Variants in NID2 observed in about 807,000 individuals in gnomAD.
NID2 encodes the protein nidogen 2.
NID2 carries 83 observed loss-of-function variants against 145.4 expected under a neutral mutation model. The ratio of observed to expected loss-of-function variants is 0.57; its 90% CI spans 0.48 to 0.69. NID2 has a LOEUF of 0.69. NID2 is among the 30% of genes least tolerant of loss of function. The pLI, the probability that NID2 is intolerant of heterozygous loss-of-function variation, is 0.00. For synonymous variants in NID2, 739 were observed against 701.3 expected (o/e 1.05, Z -0.85); for missense variants, 1,807 against 1,765.7 (o/e 1.02, Z -0.42).
rs61747624 is a variant in NID2 at position 52,015,181 on chromosome 14, G to A, written c.3123C>T (p.Pro1041=). The A allele has an allele frequency of 1.2e-6, 2 of 1,614,048 alleles. No homozygotes were observed. The highest frequency in any genetic ancestry group is 2.2e-5 in the South Asian group (2 of 91,078). Residue 1041 remains proline (P), a synonymous_variant, in exon 15 of 22, where the codon CCC becomes CCT. Coordinates refer to ENST00000216286, the MANE Select transcript of NID2 (RefSeq NM_007361.4). ...GGTPRDDQYV[P]QCDDLGHFIP... is the part of the protein sequence containing the mutation. ...TGAAGTGGCCCAGGTCATCGCACTG[G>A]GGCACGTACTGGTCATCCCGGGGGG... is the stretch of plus-strand genomic sequence containing the variant.
chr14:52,041,386 C>T (rs1275473085), intron 7 of NID2, among the ~76,000 whole-genome samples: 3 of 152,204 alleles, frequency 2.0e-5, no homozygotes, highest in Non-Finnish European at 4.4e-5. Flanking sequence ...AACCTATTAA[C>T]AGCTACCGAG....
At chr14:52,011,520 A>G in intron 17 of NID2, 34 bp downstream of exon 17, 1 of 1,612,556 alleles carries the variant, frequency 6.2e-7, no homozygotes, top group African/African-American at 1.3e-5. Flanking sequence ...TGTAGAATCA[A>G]ATGAAATGCA....
Position 52,027,284 on chromosome 14 carries a change from T to C in NID2, c.2591A>G (p.Gln864Arg), listed in dbSNP as rs779299915. 1.3e-6 allele frequency: 2 copies of C among 1,596,614 alleles called. No individual in the cohort carries two copies. The highest frequency in any genetic ancestry group is 4.7e-5 in the East Asian group (2 of 42,696). The change falls in exon 12 of 22, where the codon CAG becomes CGG. Residue 864 changes from glutamine to arginine, a missense_variant. Transcript: ENST00000216286. The stretch of plus-strand genomic sequence containing the variant: ...GCCTCCATGGTGAACACACCGGGCC[T>C]GCCCAGCAGGAGCACAGGTATGACT... ...DGSHTCAPAG[Q>R]ARCVHHGGST... is the part of the protein sequence containing the mutation.
At chr14:52,056,689 G>T (rs1892857345) in intron 3 of NID2, among the ~76,000 whole-genome samples, 1 of 152,272 alleles carries the variant, frequency 6.6e-6, no homozygotes, top group South Asian at 2.1e-4. Flanking sequence ...CTACTCTGGA[G>T]GCTAAGGCAG....
intron 7 of NID2, among the ~76,000 whole-genome samples, chr14:52,041,203 A>G (rs1892268520): frequency 6.6e-6 from 1 of 152,090 alleles, no homozygotes. Context: ...CAAATAAACT[A>G]CCACCTAAGA....
intron 7 of NID2, among the ~76,000 whole-genome samples, chr14:52,041,060 C>T (rs896546480): frequency 5.9e-5 from 9 of 152,186 alleles, no homozygotes; most frequent in Non-Finnish European, 1.3e-4. Flanking sequence ...TGCCTTACCT[C>T]ACCCAGCTTC....
chr14:52,060,436 G>C (rs1821760638), intron 2 of NID2, 80 bp from the exon 3 acceptor site: 2 of 777,068 alleles, frequency 2.6e-6, no homozygotes, highest in Admixed American at 3.3e-5. Context: ...GAAAGAAACA[G>C]AATGCAAGCA....
intron 11 of NID2, among the ~76,000 whole-genome samples, chr14:52,027,633 T>TACACACACACACACACAC (rs59049676): frequency 1.8e-4 from 26 of 144,244 alleles, no homozygotes; most frequent in Admixed American, 1.0e-3. Flanking sequence ...GAGCAATTGC[T>TACACACACACACACACAC]ACACACACAC....
At position 52,019,239 on chromosome 14, in the gene NID2, C is replaced by T. The variant is rs1891319182; in HGVS notation, c.2850G>A (p.Gln950=). ...GGAACCGGGCCCCAGGGTAGGCATA[C>T]TGGGCCTGGGCATGGCGCTGCTGTT... The part of the protein sequence containing the change: ...CEQQQRHAQA[Q]YAYPGARFHI... Residue 950 remains glutamine, a synonymous_variant, in exon 14 of 22, where the codon CAG becomes CAA. Transcript: ENST00000216286. 2.5e-6 allele frequency: 4 copies of T among 1,610,416 alleles called. No individual in the cohort carries two copies. In the South Asian group the frequency reaches 3.3e-5, roughly 13 times the overall value.
intron 12 of NID2, 27 bp downstream of exon 12, chr14:52,027,174 C>A: frequency 6.9e-7 from 1 of 1,448,648 alleles, no homozygotes; most frequent in South Asian, 1.5e-5. Flanking sequence ...ACTTTCCAGT[C>A]ATTGAGGCTG....
Position 52,042,089 on chromosome 14 carries a change from C to A in NID2, c.1825+16G>T. The A allele has an allele frequency of 6.4e-7, 1 of 1,567,558 alleles. No homozygotes were observed. The highest frequency in any genetic ancestry group is 1.2e-5 in the South Asian group (1 of 82,988). The stretch of plus-strand genomic sequence containing the variant: ...AAGCAATGCTGACTACCGGCCTTCT[C>A]AGAGGCCCTACTCACCTGCGAGGCT... On this transcript the variant is annotated intron_variant, in intron 7 of 21. Coordinates refer to ENST00000216286, the MANE Select transcript of NID2 (RefSeq NM_007361.4).
intron 16 of NID2, 22 bp downstream of exon 16, chr14:52,014,265 C>A: frequency 6.2e-7 from 1 of 1,614,176 alleles, no homozygotes; most frequent in Non-Finnish European, 8.5e-7. Context: ...GCCCTGCCCC[C>A]TACAGGAGAA....
At chr14:52,057,947 A>C (rs1478255411) in intron 3 of NID2, among the ~76,000 whole-genome samples, 3 of 152,204 alleles carry the variant, frequency 2.0e-5, no homozygotes, top group Non-Finnish European at 4.4e-5. Context: ...TAACAACAAG[A>C]TCCAAAATCA....
At chr14:52,027,442 A>G (rs1382618853) in intron 11 of NID2, 98 bp from the exon 12 acceptor site, 2 of 1,070,734 alleles carry the variant, frequency 1.9e-6, no homozygotes, top group Non-Finnish European at 2.5e-6. Flanking sequence ...GCAACAGACC[A>G]GGGAATGCAG....
intron 12 of NID2, among the ~76,000 whole-genome samples, chr14:52,026,150 A>T (rs1328161318): frequency 6.6e-6 from 1 of 152,194 alleles, no homozygotes; most frequent in East Asian, 1.9e-4. Context: ...CCTGCTGTCC[A>T]CTCAGCCCAT....
At position 52,014,324 on chromosome 14, in the gene NID2, A is replaced by AGCCT. The variant is rs778594196; in HGVS notation, c.3379_3382dup (p.Leu1128GlnfsTer8). ...CAGGGTCTTAGCTGCATCCTTCTGAAGCCTGGTGCCATTGAGGGGTAAGTA... is the reference window on the plus strand; with the variant it reads ...CAGGGTCTTAGCTGCATCCTTCTGAAGCCTGCCTGGTGCCATTGAGGGGTAAGTA... On this transcript the variant is annotated frameshift_variant, in exon 16 of 22. Transcript: ENST00000216286. LOFTEE classifies it high-confidence loss of function. 4 of 1,614,240 alleles carry AGCCT rather than the reference A, an allele frequency of 2.5e-6. No homozygotes were observed. In the Admixed American group the frequency reaches 6.7e-5, roughly 27 times the overall value.
At position 52,040,850 on chromosome 14, in the gene NID2, A is replaced by G. The variant is rs774561547; in HGVS notation, c.1827T>C (p.Gly609=). 6.2e-7 allele frequency: 1 copy of G among 1,614,030 alleles called. No individual in the cohort carries two copies. Among genetic ancestry groups the G allele is most frequent in the African/African-American group, 1.3e-5 (1 of 74,932 alleles). Residue 609 remains glycine, a splice_region_variant and synonymous_variant, in exon 8 of 22, where the codon GGT becomes GGC. Coordinates refer to ENST00000216286, the MANE Select transcript of NID2 (RefSeq NM_007361.4). ...CTTCCATGTCATGGGTAAAGGCAGCACCTGGAGATGAAAAACATTCAGCAC... is the reference window on the plus strand; with the variant it reads ...CTTCCATGTCATGGGTAAAGGCAGCGCCTGGAGATGAAAAACATTCAGCAC... The part of the protein sequence containing the change: ...PGSENGFSLA[G]AAFTHDMEVT...
chr14:52,008,078 A>T (rs1890861954), intron 18 of NID2, 111 bp from the exon 19 acceptor site: 14 of 844,746 alleles, frequency 1.7e-5, no homozygotes, highest in Non-Finnish European at 2.4e-5. Flanking sequence ...GCCTTAAGCA[A>T]TCCCCTTGAG....
At chr14:52,049,067 G>A (rs948810535) in intron 5 of NID2, among the ~76,000 whole-genome samples, 2 of 152,192 alleles carry the variant, frequency 1.3e-5, no homozygotes, top group East Asian at 3.8e-4. Flanking sequence ...GGCACAGCAG[G>A]AGGGTGGAGG....
Sources: gnomAD v4.1 joint callset for allele counts (sites outside exome capture counted in the v4.1 genomes callset) on GRCh38, gnomAD v4.1.1 for gene constraint, MANE v1.5 for transcripts, NCBI Gene and HGNC (gene_info 2026-07-23, HGNC 2026-07-21) for gene names.